The following PDZRN4 variants were observed in gnomAD, a reference collection of about 807,000 sequenced individuals.
PDZRN4 encodes the protein PDZ domain containing ring finger 4.
In PDZRN4, 70 loss-of-function variants were observed where a neutral mutation model predicts 99.0. The ratio of observed to expected loss-of-function variants is 0.71; its 90% CI spans 0.58 to 0.86. The LOEUF is 0.86. Ranked by LOEUF, PDZRN4 falls within the 40% of genes least tolerant of loss-of-function variation. The pLI, the probability that PDZRN4 is intolerant of heterozygous loss-of-function variation, is 0.00. For missense variants in PDZRN4, 1,474 were observed against 1,331.2 expected (o/e 1.11, Z -1.67); for synonymous variants, 551 against 501.6 (o/e 1.10, Z -1.32).
intron 3 of PDZRN4, among the ~76,000 whole-genome samples, chr12:41,316,149 T>G (rs1565549658): frequency 6.6e-6 from 1 of 152,148 alleles, no homozygotes; most frequent in Non-Finnish European, 1.5e-5. Context: ...CCAACTTGAA[T>G]GCTGTCTCTT....
chr12:41,236,697 T>A (rs1331719476), intron 3 of PDZRN4, among the ~76,000 whole-genome samples: 6 of 152,126 alleles, frequency 3.9e-5, no homozygotes, highest in African/African-American at 1.2e-4. Context: ...GGGGATTGTT[T>A]TTTTGTTTCT....
intron 3 of PDZRN4, among the ~76,000 whole-genome samples, chr12:41,276,630 C>A (rs1206763216): frequency 6.6e-6 from 1 of 151,982 alleles, no homozygotes; most frequent in Non-Finnish European, 1.5e-5. Flanking sequence ...ATGAGAAATT[C>A]TTTGAATAAA....
chr12:41,544,224 G>T (rs932210699), intron 5 of PDZRN4, among the ~76,000 whole-genome samples: 1 of 152,214 alleles, frequency 6.6e-6, no homozygotes, highest in Non-Finnish European at 1.5e-5. Context: ...TTCTTAGAAT[G>T]AGTAACTTCA....
At chr12:41,438,013 G>A in intron 3 of PDZRN4, 1 of 1,613,984 alleles carries the variant, frequency 6.2e-7, no homozygotes. Context: ...AAGTTTCCCA[G>A]GTGAGTGCAG....
chr12:41,204,047 A>AGCAAATAAT (rs1555216104), intron 3 of PDZRN4, among the ~76,000 whole-genome samples: 1 of 151,278 alleles, frequency 6.6e-6, no homozygotes, highest in Non-Finnish European at 1.5e-5. Flanking sequence ...AAGGGCTTGT[A>AGCAAATAAT]GCAAATAAAT....
At chr12:41,251,039 T>C (rs796212847) in intron 3 of PDZRN4, among the ~76,000 whole-genome samples, 3 of 152,336 alleles carry the variant, frequency 2.0e-5, no homozygotes, top group African/African-American at 4.8e-5. Flanking sequence ...AGACATGTTT[T>C]ACCTCCTGTT....
At chr12:41,434,360 G>T (rs1372637054) in intron 3 of PDZRN4, among the ~76,000 whole-genome samples, 1 of 151,936 alleles carries the variant, frequency 6.6e-6, no homozygotes, top group Non-Finnish European at 1.5e-5. Flanking sequence ...GTCTCAGGTG[G>T]CACATATTGT....
At chr12:41,488,895 T>A (rs1937827630) in intron 3 of PDZRN4, among the ~76,000 whole-genome samples, 1 of 152,046 alleles carries the variant, frequency 6.6e-6, no homozygotes, top group African/African-American at 2.4e-5. Flanking sequence ...CTTAATGGAG[T>A]AAATTGTGAC....
chr12:41,200,681 T>G (rs1191983535), intron 3 of PDZRN4, among the ~76,000 whole-genome samples: 1 of 152,142 alleles, frequency 6.6e-6, no homozygotes, highest in African/African-American at 2.4e-5. Context: ...TTTGATTCAT[T>G]TTAATTTGTG....
At chr12:41,191,372 A>G (rs929418821) in intron 1 of PDZRN4, 86 bp from the exon 2 acceptor site, 13 of 694,842 alleles carry the variant, frequency 1.9e-5, no homozygotes, top group Non-Finnish European at 3.0e-5. Context: ...ATGTCAGTTA[A>G]CTTACAGTAC....
At chr12:41,249,546 A>G (rs1329946476) in intron 3 of PDZRN4, among the ~76,000 whole-genome samples, 1 of 152,144 alleles carries the variant, frequency 6.6e-6, no homozygotes, top group Non-Finnish European at 1.5e-5. Flanking sequence ...AATGGCTTTG[A>G]GGCTGGACAG....
intron 3 of PDZRN4, among the ~76,000 whole-genome samples, chr12:41,419,458 A>T (rs765543914): frequency 6.6e-6 from 1 of 152,046 alleles, no homozygotes; most frequent in African/African-American, 2.4e-5. Flanking sequence ...TGGGAGAGAG[A>T]CTCATCAAAT....
At chr12:41,457,227 G>C (rs1952823788) in intron 3 of PDZRN4, among the ~76,000 whole-genome samples, 1 of 152,074 alleles carries the variant, frequency 6.6e-6, no homozygotes, top group African/African-American at 2.4e-5. Context: ...TATGCTATTG[G>C]AGTATATCAT....
rs1291352004 is a variant in PDZRN4 at position 41,573,613 on chromosome 12, A to C, written c.2834A>C (p.Glu945Ala). 3 of 1,613,950 alleles carry C rather than the reference A, an allele frequency of 1.9e-6. No individual in the cohort carries two copies. The highest frequency in any genetic ancestry group is 1.7e-5 in the Admixed American group (1 of 59,972). Reference sequence around the variant, plus strand: ...ATGGGGCGCTACTGGAGCAAAGAGGAGAGAAAGCAGCACCTGGTTAGGGCC... The same window carrying C: ...ATGGGGCGCTACTGGAGCAAAGAGGCGAGAAAGCAGCACCTGGTTAGGGCC... ...MKMGRYWSKE[E>A]RKQHLVRAKE... The change falls in exon 10 of 10, where the codon GAG (glutamate) becomes GCG (alanine). Residue 945 changes from glutamate (E) to alanine (A), a missense_variant. Transcript: ENST00000402685.
intron 3 of PDZRN4, among the ~76,000 whole-genome samples, chr12:41,385,092 A>G (rs1952158854): frequency 1.3e-5 from 2 of 152,242 alleles, no homozygotes; most frequent in Admixed American, 6.5e-5. Flanking sequence ...TAAAAAATGG[A>G]AAATATTTCT....
At chr12:41,208,514 T>C (rs1950865675) in intron 3 of PDZRN4, among the ~76,000 whole-genome samples, 1 of 151,974 alleles carries the variant, frequency 6.6e-6, no homozygotes, top group Non-Finnish European at 1.5e-5. Context: ...GCTTTTAATC[T>C]TTGTCAGTAG....
chr12:41,475,011 C>A (rs746531479), intron 3 of PDZRN4, among the ~76,000 whole-genome samples: 1 of 152,108 alleles, frequency 6.6e-6, no homozygotes, highest in Non-Finnish European at 1.5e-5. Context: ...GACATAGATA[C>A]CTGAATTTCC....
At chr12:41,441,205 G>A (rs1295086409) in intron 3 of PDZRN4, among the ~76,000 whole-genome samples, 5 of 152,186 alleles carry the variant, frequency 3.3e-5, no homozygotes, top group East Asian at 3.9e-4. Context: ...ATCTCATATT[G>A]TGATATGCAA....
intron 3 of PDZRN4, among the ~76,000 whole-genome samples, chr12:41,305,521 T>C (rs1373384993): frequency 6.6e-6 from 1 of 152,138 alleles, no homozygotes; most frequent in East Asian, 1.9e-4. Context: ...ATTTGGTATC[T>C]TGTGTGGGCT....
Sources: gnomAD v4.1 joint callset for allele counts (sites outside exome capture counted in the v4.1 genomes callset) on GRCh38, gnomAD v4.1.1 for gene constraint, MANE v1.5 for transcripts, NCBI Gene and HGNC (gene_info 2026-07-23, HGNC 2026-07-21) for gene names.